ADAMTSL3: variants seen among roughly 807,000 people sequenced by gnomAD.
ADAMTSL3 encodes the protein ADAMTS-like protein 3.
A neutral mutation model predicts 201.7 loss-of-function variants in ADAMTSL3; 128 were observed. The observed-to-expected ratio is 0.63, with a 90% confidence interval of 0.55 to 0.73. ADAMTSL3 has a LOEUF of 0.73. Ranked by LOEUF, ADAMTSL3 falls within the 30% of genes least tolerant of loss-of-function variation. The pLI is 0.00. For synonymous variants in ADAMTSL3, 738 were observed against 748.4 expected (o/e 0.99, Z 0.23); for missense variants, 1,990 against 2,119.6 (o/e 0.94, Z 1.20).
At chr15:83,845,716 T>C (rs1006676256) in intron 7 of ADAMTSL3, among the ~76,000 whole-genome samples, 4 of 152,214 alleles carry the variant, frequency 2.6e-5, no homozygotes, top group Non-Finnish European at 5.9e-5. Flanking sequence ...TTCCAAACTT[T>C]TAATAAAGGG....
chr15:83,965,759 C>T (rs2067070399), intron 19 of ADAMTSL3, among the ~76,000 whole-genome samples: 1 of 152,196 alleles, frequency 6.6e-6, no homozygotes, highest in Non-Finnish European at 1.5e-5. Flanking sequence ...CACACTTATT[C>T]TGAAATTGAC....
chr15:83,894,996 A>T (rs372602353), intron 13 of ADAMTSL3, among the ~76,000 whole-genome samples: 8 of 152,206 alleles, frequency 5.3e-5, no homozygotes, highest in Admixed American at 1.3e-4. Context: ...GTGTTCAGCA[A>T]TGATTTTATT....
At chr15:83,661,283 A>G (rs1328592057) in intron 2 of ADAMTSL3, among the ~76,000 whole-genome samples, 2 of 151,558 alleles carry the variant, frequency 1.3e-5, no homozygotes, top group Non-Finnish European at 2.9e-5. Context: ...TTGGTTCCAT[A>G]TGAACTTTAA....
At chr15:83,690,584 T>C (rs1033856935) in intron 2 of ADAMTSL3, among the ~76,000 whole-genome samples, 1 of 152,190 alleles carries the variant, frequency 6.6e-6, no homozygotes, top group Non-Finnish European at 1.5e-5. Context: ...ACACTTACGC[T>C]CCTGTGCCCC....
intron 23 of ADAMTSL3, 114 bp from the exon 24 acceptor site, chr15:84,014,428 T>C: frequency 1.1e-6 from 1 of 947,672 alleles, no homozygotes; most frequent in East Asian, 2.4e-5. Context: ...CTATTATATA[T>C]GATTAAACCC....
At chr15:84,029,044 T>C (rs2068357950) in intron 27 of ADAMTSL3, among the ~76,000 whole-genome samples, 1 of 152,222 alleles carries the variant, frequency 6.6e-6, no homozygotes. Flanking sequence ...CTTTCCTTTG[T>C]AAATTACTCA....
chr15:83,934,116 A>C (rs2142013475), intron 17 of ADAMTSL3, among the ~76,000 whole-genome samples: 1 of 152,302 alleles, frequency 6.6e-6, no homozygotes, highest in South Asian at 2.1e-4. Context: ...ATCCACTGAC[A>C]GCTTGCACTG....
chr15:83,938,881 G>A (rs1488917643), intron 17 of ADAMTSL3, among the ~76,000 whole-genome samples: 1 of 152,102 alleles, frequency 6.6e-6, no homozygotes, highest in Non-Finnish European at 1.5e-5. Context: ...TTGTAACAAA[G>A]GGGTGCTCAA....
intron 3 of ADAMTSL3, among the ~76,000 whole-genome samples, chr15:83,718,428 G>T (rs2062049054): frequency 6.6e-6 from 1 of 152,148 alleles, no homozygotes; most frequent in South Asian, 2.1e-4. Flanking sequence ...TTGAAGCCAG[G>T]CGCAGTGGCT....
chr15:83,732,849 A>G (rs1386397398), intron 3 of ADAMTSL3, among the ~76,000 whole-genome samples: 2 of 152,160 alleles, frequency 1.3e-5, no homozygotes, highest in African/African-American at 2.4e-5. Flanking sequence ...AGAAACCACC[A>G]GCTTAGGATA....
rs967721790 is a variant in ADAMTSL3, at chr15:83,654,987, G to T, written c.-34+711G>T. On this transcript the variant is annotated intron_variant, in intron 1 of 29. Transcript: ENST00000286744. This position sits in a 1 kb window ranked among gnomAD's most constrained non-coding sequence, Gnocchi z 5.3. ...CCAAGGCGCCCGCGAGGCGAAGCGG[G>T]AGTCGAGTGTGACCTCGGCTTTTCC... 6.6e-6 allele frequency among the ~76,000 whole-genome samples: 1 copy of T among 152,246 alleles called. No homozygotes were observed. The highest frequency in any genetic ancestry group is 2.4e-5 in the African/African-American group (1 of 41,474).
At chr15:84,012,061 C>T (rs1371429278) in intron 23 of ADAMTSL3, among the ~76,000 whole-genome samples, 1 of 151,940 alleles carries the variant, frequency 6.6e-6, no homozygotes, top group Non-Finnish European at 1.5e-5. Flanking sequence ...ATGTGATTAG[C>T]ATTCCTTCAG....
intron 17 of ADAMTSL3, among the ~76,000 whole-genome samples, chr15:83,935,934 T>A (rs978317247): frequency 4.6e-5 from 7 of 152,058 alleles, no homozygotes; most frequent in Non-Finnish European, 5.9e-5. Flanking sequence ...ACTAATATTA[T>A]GTTAAGTATT....
intron 2 of ADAMTSL3, among the ~76,000 whole-genome samples, chr15:83,698,517 G>A (rs1311370529): frequency 1.3e-5 from 2 of 152,068 alleles, no homozygotes; most frequent in African/African-American, 4.8e-5. Flanking sequence ...CAGTGCCCTG[G>A]GAAGATCGCA....
chr15:83,710,765 A>C (rs1031569331), intron 3 of ADAMTSL3, among the ~76,000 whole-genome samples: 1 of 152,246 alleles, frequency 6.6e-6, no homozygotes, highest in Non-Finnish European at 1.5e-5. Flanking sequence ...AGAGGGCTGG[A>C]TGTGCAGCCT....
chr15:83,897,275 A>G (rs2065635106), intron 13 of ADAMTSL3, among the ~76,000 whole-genome samples: 1 of 151,682 alleles, frequency 6.6e-6, no homozygotes, highest in South Asian at 2.1e-4. Context: ...ATAATAGCAT[A>G]ATGTTTTTAT....
chr15:84,032,574 A>G (rs1199025468), intron 28 of ADAMTSL3, among the ~76,000 whole-genome samples: 2 of 152,274 alleles, frequency 1.3e-5, no homozygotes, highest in African/African-American at 4.8e-5. Flanking sequence ...TTAAAGCACA[A>G]ATACATACAT....
At chr15:83,916,651 G>C (rs1017254163) in intron 16 of ADAMTSL3, among the ~76,000 whole-genome samples, 1 of 151,964 alleles carries the variant, frequency 6.6e-6, no homozygotes, top group Non-Finnish European at 1.5e-5. Context: ...CTTTATAAAG[G>C]CTGGGATGGA....
At chr15:83,885,323 T>G in intron 10 of ADAMTSL3, 111 bp downstream of exon 10, 1 of 804,608 alleles carries the variant, frequency 1.2e-6, no homozygotes, top group Non-Finnish European at 2.1e-6. Context: ...AGATGTCTCA[T>G]CACACAGCAC....
Sources: allele counts gnomAD v4.1 joint callset (sites outside exome capture counted in the v4.1 genomes callset), GRCh38; gene constraint gnomAD v4.1.1; non-coding constraint Gnocchi (gnomAD v3.1); transcripts MANE v1.5; gene names NCBI Gene and HGNC (gene_info 2026-07-23, HGNC 2026-07-21).